The following KAZN variants were observed in gnomAD, a reference collection of about 807,000 sequenced individuals.
The protein encoded by KAZN is kazrin, periplakin interacting protein.
KAZN carries 40 observed loss-of-function variants against 87.4 expected under a neutral mutation model. The observed-to-expected ratio is 0.46, with a 90% confidence interval of 0.36 to 0.60. KAZN has a LOEUF of 0.60. Ranked by LOEUF, KAZN falls within the 20% of genes least tolerant of loss-of-function variation. KAZN has a pLI of 0.00. For missense variants in KAZN, 898 were observed against 1,073.9 expected, an observed-to-expected ratio of 0.84 and a Z score of 2.29; for synonymous variants, 466 against 458.3, an observed-to-expected ratio of 1.02 and a Z score of -0.22.
intron 2 of KAZN, among the ~76,000 whole-genome samples, chr1:14,247,405 G>A (rs72644433): frequency 0.03 from 4,595 of 152,224 alleles, 117 homozygotes; most frequent in East Asian, 0.11. Context: ...GTTAGAATGC[G>A]CTATCAAAAC....
chr1:13,987,592 A>G (rs148374614), intron 1 of KAZN, among the ~76,000 whole-genome samples: 323 of 152,248 alleles, frequency 2.1e-3, no homozygotes, highest in African/African-American at 7.1e-3. Context: ...GTCCAAGATC[A>G]AGGTGTTGGC....
rs1638875156 is a variant in KAZN, at chr1:14,657,444, GT to G, written c.226+58222del. 2.6e-5 allele frequency among the ~76,000 whole-genome samples: 4 copies of G among 152,162 alleles called. 1 individual carries two copies. Among genetic ancestry groups the G allele is most frequent in the Admixed American group, 6.5e-5 (1 of 15,282 alleles). On this transcript the variant is annotated intron_variant, in intron 1 of 14. Transcript: ENST00000376030. ...GAGCTTCTGCTACAATATATCAGGGGTAAGCTCCAAGAATTTGCATTTCTCA... is the reference window on the plus strand; with the variant it reads ...GAGCTTCTGCTACAATATATCAGGGGAAGCTCCAAGAATTTGCATTTCTCA...
intron 1 of KAZN, among the ~76,000 whole-genome samples, chr1:14,606,192 G>A (rs571313019): frequency 7.4e-4 from 112 of 152,284 alleles, no homozygotes; most frequent in African/African-American, 2.5e-3. Flanking sequence ...AACCCACTAG[G>A]TCTCTCTGCT....
chr1:14,324,067 A>AT (rs1166018510), intron 2 of KAZN, among the ~76,000 whole-genome samples: 3 of 152,098 alleles, frequency 2.0e-5, no homozygotes, highest in Non-Finnish European at 2.9e-5. Context: ...GTGCACCCTA[A>AT]TTGCATTCTG....
rs1367103814 is a variant in KAZN at position 14,385,456 on chromosome 1, A to T, written c.249+204864A>T. 2.0e-5 allele frequency among the ~76,000 whole-genome samples: 3 copies of T among 152,116 alleles called. No homozygotes were observed. In the South Asian group the frequency reaches 6.2e-4, roughly 32 times the overall value. ...CTTTCTCTTGTGGGCATTTAGTGCT[A>T]TAAATTTCCCTCCACACACTGCTTT... is the stretch of plus-strand genomic sequence containing the variant. On this transcript the variant is annotated intron_variant, in intron 2 of 16. Transcript: ENST00000636203.
At chr1:14,050,499 T>G (rs35640915) in intron 1 of KAZN, among the ~76,000 whole-genome samples, 24,901 of 152,096 alleles carry the variant, frequency 0.16, 2,397 homozygotes, top group Non-Finnish European at 0.22. Flanking sequence ...ATGACAGCAG[T>G]TGGGAGAGAA....
At chr1:14,167,002 G>T (rs1340323493) in intron 1 of KAZN, among the ~76,000 whole-genome samples, 2 of 152,146 alleles carry the variant, frequency 1.3e-5, no homozygotes, top group Non-Finnish European at 2.9e-5. Flanking sequence ...CTGTCCTAAG[G>T]TGCGTGAGAT....
intron 1 of KAZN, among the ~76,000 whole-genome samples, chr1:14,166,174 G>A (rs1177145515): frequency 1.3e-5 from 2 of 152,186 alleles, no homozygotes; most frequent in Non-Finnish European, 2.9e-5. Flanking sequence ...AATTAGCTGG[G>A]CATGGTGGCG....
intron 1 of KAZN, among the ~76,000 whole-genome samples, chr1:14,126,538 C>T (rs1644872349): frequency 6.6e-6 from 1 of 152,060 alleles, no homozygotes; most frequent in Non-Finnish European, 1.5e-5. Flanking sequence ...CAGAGTGGTG[C>T]ATTTTAGCAA....
intron 2 of KAZN, among the ~76,000 whole-genome samples, chr1:15,013,768 AG>A (rs1669823365): frequency 6.7e-6 from 1 of 149,052 alleles, no homozygotes; most frequent in African/African-American, 2.5e-5. Context: ...AAAAAAAAAG[AG>A]AGAGATGGGA....
At chr1:14,604,762 C>T (rs1677232606) in intron 1 of KAZN, among the ~76,000 whole-genome samples, 1 of 152,190 alleles carries the variant, frequency 6.6e-6, no homozygotes, top group Admixed American at 6.5e-5. Context: ...TGAAAGGTCC[C>T]TGCCCCTTTA....
At chr1:14,902,311 C>T (rs1305518935) in intron 1 of KAZN, among the ~76,000 whole-genome samples, 9 of 151,884 alleles carry the variant, frequency 5.9e-5, no homozygotes, top group Admixed American at 2.0e-4. Context: ...CAGCAAGCTC[C>T]GCCTCCCGGG....
intron 1 of KAZN, among the ~76,000 whole-genome samples, chr1:14,608,678 CT>C (rs1196523563): frequency 1.3e-5 from 2 of 152,098 alleles, no homozygotes; most frequent in Non-Finnish European, 2.9e-5. Flanking sequence ...TGAATAATAG[CT>C]TTTCTGTCCT....
chr1:14,505,377 A>G (rs1368287968), intron 2 of KAZN, among the ~76,000 whole-genome samples: 1 of 152,212 alleles, frequency 6.6e-6, no homozygotes, highest in African/African-American at 2.4e-5. Flanking sequence ...ATAGATGTCT[A>G]CTATGCTTCT....
chr1:13,975,430 C>T (rs1239341845), intron 1 of KAZN, among the ~76,000 whole-genome samples: 4 of 152,122 alleles, frequency 2.6e-5, no homozygotes, highest in Non-Finnish European at 4.4e-5. Flanking sequence ...TTCAGAGGCT[C>T]GACTCTTTCC....
intron 2 of KAZN, among the ~76,000 whole-genome samples, chr1:14,569,181 T>A (rs1674709476): frequency 6.6e-6 from 1 of 152,130 alleles, no homozygotes. Context: ...TTGTTCCATA[T>A]GGGAAAGGAT....
chr1:14,142,307 T>C (rs1400085995), intron 1 of KAZN, among the ~76,000 whole-genome samples: 1 of 152,174 alleles, frequency 6.6e-6, no homozygotes, highest in Non-Finnish European at 1.5e-5. Flanking sequence ...ATTAGAAGCG[T>C]TTAAAATTCC....
intron 2 of KAZN, among the ~76,000 whole-genome samples, chr1:14,205,570 A>G (rs769691747): frequency 3.2e-4 from 49 of 152,180 alleles, no homozygotes; most frequent in Non-Finnish European, 6.8e-4. Context: ...CATTGCGAAA[A>G]CACATCCTGT....
intron 1 of KAZN, chr1:14,929,714 G>A (rs1020413016): frequency 1.8e-5 from 17 of 925,348 alleles, no homozygotes; most frequent in Non-Finnish European, 2.2e-5. Flanking sequence ...ATGGTTATAA[G>A]GGGTGTGCGG....
Sources: gnomAD v4.1 joint callset for allele counts (sites outside exome capture counted in the v4.1 genomes callset) on GRCh38, gnomAD v4.1.1 for gene constraint, MANE v1.5 for transcripts, NCBI Gene and HGNC (gene_info 2026-07-23, HGNC 2026-07-21) for gene names.